XPO5: variants seen among roughly 807,000 people sequenced by gnomAD.
XPO5 encodes the protein exportin-5.
Under a neutral mutation model 160.6 loss-of-function variants are expected in XPO5, and 46 were observed. The observed-to-expected ratio is 0.29, with a 90% confidence interval of 0.23 to 0.37. XPO5 has a LOEUF of 0.37. Among genes scored for constraint, XPO5 ranks in the 10% least tolerant of loss-of-function variants. The probability of loss-of-function intolerance (pLI) is 1.00; values close to 1 mark genes in which losing one functional copy is unlikely to be tolerated. For missense variants in XPO5, 1,090 were observed against 1,463.9 expected, an observed-to-expected ratio of 0.74 and a Z score of 4.17; for synonymous variants, 537 against 519.3, an observed-to-expected ratio of 1.03 and a Z score of -0.46.
At chr6:43,570,791 A>G (rs1448659928) in intron 4 of XPO5, 66 bp downstream of exon 4, 10 of 1,544,594 alleles carry the variant, frequency 6.5e-6, no homozygotes, top group Admixed American at 4.4e-5. Flanking sequence ...AAACAAAATC[A>G]AACAACAAAC....
At chr6:43,572,427 T>C in intron 3 of XPO5, 79 bp downstream of exon 3, 2 of 1,431,420 alleles carry the variant, frequency 1.4e-6, no homozygotes, top group Non-Finnish European at 2.0e-6. Context: ...AGTGAATTTT[T>C]ACACAAACTC....
chr6:43,557,107 G>A (rs1423378267), intron 12 of XPO5, among the ~76,000 whole-genome samples: 4 of 130,254 alleles, frequency 3.1e-5, no homozygotes, highest in African/African-American at 9.3e-5. Flanking sequence ...CAGCCTGGGC[G>A]ACAGAGCAAG....
chr6:43,523,637 C>T lies in XPO5; in HGVS notation c.*231G>A. On this transcript the variant is annotated 3_prime_UTR_variant, in exon 32 of 32. Transcript: ENST00000265351. ...AATCTCCAAGTAGAATGGGAACTAT[C>T]TGGGACATCTAGACAGAATAGTTTA... The T allele has an allele frequency of 1.3e-6, 1 of 782,642 alleles. No individual in the cohort carries two copies. The allele number at this position is 782,642 out of a possible 1,614,324, so 48.5% of individuals were successfully genotyped here. A position where few individuals can be genotyped will look rare whatever the true frequency, so the allele number is the denominator to read the frequency against.
chr6:43,533,089 T>C (rs1794085897), intron 21 of XPO5, among the ~76,000 whole-genome samples: 1 of 152,056 alleles, frequency 6.6e-6, no homozygotes, highest in African/African-American at 2.4e-5. Flanking sequence ...GAGCTGAGAT[T>C]GCACCACTGT....
intron 20 of XPO5, among the ~76,000 whole-genome samples, chr6:43,540,262 G>A (rs375958404): frequency 4.3e-4 from 65 of 152,268 alleles, no homozygotes; most frequent in African/African-American, 1.5e-3. Flanking sequence ...GGCGGATCAC[G>A]AGGTCAGGAG....
At chr6:43,531,763 C>T (rs552161066) in intron 21 of XPO5, among the ~76,000 whole-genome samples, 188 bp from the exon 22 acceptor site, 1 of 152,142 alleles carries the variant, frequency 6.6e-6, no homozygotes, top group East Asian at 1.9e-4. Flanking sequence ...TACTTAAGGA[C>T]CCAGGACTTT....
intron 2 of XPO5, among the ~76,000 whole-genome samples, chr6:43,573,012 G>C (rs771292234): frequency 6.6e-6 from 1 of 152,200 alleles, no homozygotes; most frequent in African/African-American, 2.4e-5. Flanking sequence ...TCTGATAGGT[G>C]TTGAGGGTAG....
rs1343216061 is a variant in XPO5 at position 43,562,335 on chromosome 6, C to T, written c.923G>A (p.Gly308Glu). 6.2e-7 allele frequency: 1 copy of T among 1,607,388 alleles called. No individual in the cohort carries two copies. The highest frequency in any genetic ancestry group is 1.1e-5 in the South Asian group (1 of 89,292). ...YILSAAQTAD[G>E]GGLVEKHYVF... ...GTAGTGTTTTTCTACCAAACCTCCT[C>T]CATCAGCAGTCCTGTAAGATGAGAA... Residue 308 changes from glycine (G) to glutamate (E), a missense_variant, in exon 9 of 32, where the codon GGA becomes GAA. Around this residue, in one of 3 missense-constraint regions of XPO5, gnomAD observed 810 missense variants for 1,139.0 expected, o/e 0.71. Transcript: ENST00000265351.
chr6:43,523,646 C>G lies in XPO5; in HGVS notation c.*222G>C. 2 of 810,450 alleles carry G rather than the reference C, an allele frequency of 2.5e-6. No homozygotes were observed. Among genetic ancestry groups the G allele is most frequent in the Non-Finnish European group, 4.4e-6 (2 of 455,564 alleles). 50.2% of individuals were successfully genotyped at this position (810,450 alleles called of 1,614,324 possible). A position where few individuals can be genotyped will look rare whatever the true frequency, so the allele number is the denominator to read the frequency against. Reference sequence around the variant, plus strand: ...GTAGAATGGGAACTATCTGGGACATCTAGACAGAATAGTTTAAGCCCTAAC... The same window carrying G: ...GTAGAATGGGAACTATCTGGGACATGTAGACAGAATAGTTTAAGCCCTAAC... On this transcript the variant is annotated 3_prime_UTR_variant, in exon 32 of 32. Transcript: ENST00000265351.
In XPO5 at chr6:43,526,651, G is replaced by A. The variant is rs1000217703; in HGVS notation, c.2983+34C>T. 13 of 1,612,108 alleles carry A rather than the reference G, an allele frequency of 8.1e-6. No individual in the cohort carries two copies. The Admixed American group carries it at 1.5e-4, about 19-fold the overall frequency. On this transcript the variant is annotated intron_variant, in intron 27 of 31. Coordinates refer to ENST00000265351, the MANE Select transcript of XPO5 (RefSeq NM_020750.3). The stretch of plus-strand genomic sequence containing the variant: ...GAAGGAACAGTATTTAGGAGGCTAA[G>A]AGCAGAACTCCAAGGTCTCACAGGC...
At chr6:43,558,782 G>A (rs1196489954) in intron 11 of XPO5, 191 bp from the exon 12 acceptor site, 2 of 481,356 alleles carry the variant, frequency 4.2e-6, no homozygotes, top group African/African-American at 4.0e-5. Context: ...TTCCTCAGTG[G>A]TAGAAAAGAG....
chr6:43,526,252 C>T (rs943453409), intron 27 of XPO5: 3 of 380,180 alleles, frequency 7.9e-6, no homozygotes, highest in African/African-American at 4.0e-5. Flanking sequence ...ACAATAGGTC[C>T]CTTCCCTGAT....
In XPO5 at chr6:43,527,615, GT is replaced by G. The variant is rs1793682943; in HGVS notation, c.2920+18del. The stretch of plus-strand genomic sequence containing the variant: ...TCCAGGAAAATCCTCTATAGCCCCA[GT>G]TTCGACATGCCACTTACTGATTAGG... On this transcript the variant is annotated intron_variant, in intron 26 of 31. Coordinates refer to ENST00000265351, the MANE Select transcript of XPO5 (RefSeq NM_020750.3). The G allele has an allele frequency of 6.2e-7, 1 of 1,613,344 alleles. No individual in the cohort carries two copies. The highest frequency in any genetic ancestry group is 2.2e-5 in the East Asian group (1 of 44,868).
intron 17 of XPO5, among the ~76,000 whole-genome samples, chr6:43,548,777 A>C (rs1295982416): frequency 6.6e-6 from 1 of 151,342 alleles, no homozygotes; most frequent in Non-Finnish European, 1.5e-5. Flanking sequence ...ACTGCTGTGC[A>C]TTCAGAGAAG....
At chr6:43,572,693 CTT>C in intron 2 of XPO5, 115 bp from the exon 3 acceptor site, 1 of 1,166,820 alleles carries the variant, frequency 8.6e-7, no homozygotes, top group South Asian at 1.4e-5. Flanking sequence ...AGAAATTATA[CTT>C]TTGATTTTGT....
intron 19 of XPO5, chr6:43,547,251 G>A (rs1297937444): frequency 5.3e-6 from 2 of 377,416 alleles, no homozygotes; most frequent in African/African-American, 4.2e-5. Context: ...AAAAATCTCA[G>A]GTTTGCAAGT....
chr6:43,540,522 A>T (rs1794636139), intron 20 of XPO5, among the ~76,000 whole-genome samples: 1 of 152,104 alleles, frequency 6.6e-6, no homozygotes, highest in Non-Finnish European at 1.5e-5. Flanking sequence ...GCATGGTGGC[A>T]CACACCTGTA....
intron 20 of XPO5, among the ~76,000 whole-genome samples, chr6:43,545,864 G>T (rs535095506): frequency 2.0e-5 from 3 of 151,996 alleles, no homozygotes; most frequent in Admixed American, 1.3e-4. Context: ...GCCTATACTG[G>T]CCTACTTCCA....
chr6:43,570,587 T>C lies in XPO5; in HGVS notation c.536A>G (p.Gln179Arg). ...TTCCATGTTCTGGGTTAATGTTTGC[T>C]GGATGTCCCTTCTTCTTTGAGGGGG... is the stretch of plus-strand genomic sequence containing the variant. ...TLPPQRRRDI[Q>R]QTLTQNMERI... Residue 179 changes from glutamine to arginine, a missense_variant, in exon 5 of 32, where the codon CAG becomes CGG. Around this residue, in one of 3 missense-constraint regions of XPO5, gnomAD observed 170 missense variants for 227.0 expected, o/e 0.75. Transcript: ENST00000265351. 1 of 1,613,944 alleles carries C rather than the reference T, an allele frequency of 6.2e-7. No homozygotes were observed. The highest frequency in any genetic ancestry group is 8.5e-7 in the Non-Finnish European group (1 of 1,179,870).
Sources: gnomAD v4.1 joint callset for allele counts (sites outside exome capture counted in the v4.1 genomes callset) on GRCh38, gnomAD v4.1.1 for gene constraint, gnomAD v4.1.1 regional missense constraint, MANE v1.5 for transcripts, NCBI Gene and HGNC (gene_info 2026-07-23, HGNC 2026-07-21) for gene names.